ABL2: variants seen among roughly 807,000 people sequenced by gnomAD.
ABL2 encodes the protein ABL proto-oncogene 2, non-receptor tyrosine kinase.
ABL2 carries 49 observed loss-of-function variants against 107.7 expected under a neutral mutation model. That is an observed-to-expected ratio of 0.45 (90% CI 0.36 to 0.58). The LOEUF is 0.58. Among genes scored for constraint, ABL2 ranks in the 20% least tolerant of loss-of-function variants. ABL2 has a pLI of 0.00. For synonymous variants in ABL2, 549 were observed against 548.6 expected, an observed-to-expected ratio of 1.00 and a Z score of -0.01; for missense variants, 1,245 against 1,457.0, an observed-to-expected ratio of 0.85 and a Z score of 2.37.
chr1:179,204,228 T>C (rs1661830411), intron 1 of ABL2, among the ~76,000 whole-genome samples: 5 of 151,494 alleles, frequency 3.3e-5, no homozygotes, highest in Admixed American at 3.3e-4. Flanking sequence ...GGTTTTGCCA[T>C]GTTGGCCAGG....
intron 1 of ABL2, among the ~76,000 whole-genome samples, chr1:179,134,594 C>T (rs990755417): frequency 5.3e-5 from 8 of 152,118 alleles, no homozygotes; most frequent in East Asian, 3.8e-4. Flanking sequence ...AACACAGGAA[C>T]GTTATTTAGA....
At chr1:179,121,566 C>T (rs776621487) in intron 5 of ABL2, 29 bp downstream of exon 5, 5 of 1,597,974 alleles carry the variant, frequency 3.1e-6, no homozygotes, top group South Asian at 1.1e-5. Context: ...GAAAAAGATG[C>T]CTGAAAACTG....
Position 179,118,784 on chromosome 1 carries a change from G to A in ABL2, c.1046-20C>T. The A allele has an allele frequency of 6.2e-7, 1 of 1,610,498 alleles. No homozygotes were observed. Among genetic ancestry groups the A allele is most frequent in the Non-Finnish European group, 8.5e-7 (1 of 1,177,814 alleles). On this transcript the variant is annotated intron_variant, in intron 6 of 11. Transcript: ENST00000502732. ...ACACACCTAAAAGTTGAACAATAGT[G>A]CTTGTTTTTATTAGTGTACATTCAA...
chr1:179,118,651 G>A lies in ABL2; in HGVS notation c.1159C>T (p.Leu387Phe), dbSNP rs764034559. The change falls in exon 7 of 12, where the codon CTC becomes TTC. Residue 387 changes from leucine to phenylalanine, a missense_variant. Physicochemically the swap from Leu to Phe is conservative, Grantham distance 22. Transcript: ENST00000502732. Reference protein sequence around the residue: ...NREEVTAVVLLYMATQISSAM... With the variant: ...NREEVTAVVLFYMATQISSAM... The stretch of plus-strand genomic sequence containing the variant: ...GAAGAAATCTGAGTGGCCATGTAGA[G>A]CAGCACAACTGCAGTCACCTCTTCT... 6.2e-7 allele frequency: 1 copy of A among 1,613,788 alleles called. No homozygotes were observed. The highest frequency in any genetic ancestry group is 8.5e-7 in the Non-Finnish European group (1 of 1,179,996).
At chr1:179,227,779 G>A (rs532329398) in intron 1 of ABL2, among the ~76,000 whole-genome samples, 2 of 152,140 alleles carry the variant, frequency 1.3e-5, no homozygotes, top group South Asian at 2.1e-4. Context: ...GTGGCCAGGC[G>A]CAGTGCCTCA....
intron 2 of ABL2, among the ~76,000 whole-genome samples, chr1:179,131,883 TG>T (rs1271771366): frequency 6.6e-6 from 1 of 152,240 alleles, no homozygotes; most frequent in African/African-American, 2.4e-5. Context: ...AAGAAATGAT[TG>T]TAAGTTTCTT....
At chr1:179,147,648 G>C (rs1055389380) in intron 1 of ABL2, among the ~76,000 whole-genome samples, 3 of 152,178 alleles carry the variant, frequency 2.0e-5, no homozygotes, top group African/African-American at 7.2e-5. Flanking sequence ...CTCATTGTAA[G>C]CGGGAGCTAA....
intron 1 of ABL2, among the ~76,000 whole-genome samples, chr1:179,181,234 T>C (rs962587434): frequency 6.6e-6 from 1 of 152,224 alleles, no homozygotes; most frequent in Admixed American, 6.5e-5. Context: ...GTAAAAATAG[T>C]GGCAGTAAAC....
At chr1:179,203,908 C>T (rs1036672516) in intron 1 of ABL2, among the ~76,000 whole-genome samples, 2 of 152,198 alleles carry the variant, frequency 1.3e-5, no homozygotes, top group African/African-American at 4.8e-5. Flanking sequence ...CGTTATTTAA[C>T]ATCCCAGTAA....
At chr1:179,206,773 T>G (rs1661994239) in intron 1 of ABL2, among the ~76,000 whole-genome samples, 1 of 152,124 alleles carries the variant, frequency 6.6e-6, no homozygotes, top group African/African-American at 2.4e-5. Context: ...GACCCTTCAA[T>G]AAACAAACAA....
intron 1 of ABL2, among the ~76,000 whole-genome samples, chr1:179,224,049 T>C (rs747065709): frequency 7.8e-5 from 11 of 140,986 alleles, no homozygotes; most frequent in Non-Finnish European, 1.7e-4. Flanking sequence ...GAGGATCACT[T>C]GAGTCTGGGA....
intron 1 of ABL2, among the ~76,000 whole-genome samples, chr1:179,152,115 T>C (rs1023645153): frequency 3.9e-5 from 6 of 152,222 alleles, no homozygotes; most frequent in Non-Finnish European, 7.4e-5. Context: ...GAAACCTGGG[T>C]AGGCTAATAA....
rs575749213 is a variant in ABL2, at chr1:179,102,293, G to A, written c.*5425C>T. On this transcript the variant is annotated 3_prime_UTR_variant, in exon 12 of 12. Coordinates refer to ENST00000502732, the MANE Select transcript of ABL2 (RefSeq NM_007314.4). ...CCCAAAGTGCTGGGATTACAGGCGT[G>A]AGCCACCGCACCCGGCCAGAATTTC... 391 of 184,978 alleles carry A rather than the reference G, an allele frequency of 2.1e-3. 5 individuals are homozygous for A. Among genetic ancestry groups the A allele is most frequent in the African/African-American group, 8.8e-3 (378 of 42,728 alleles). The allele number at this position is 184,978 out of a possible 1,614,324, so 11.5% of individuals were successfully genotyped here.
chr1:179,181,769 T>A (rs1311856646), intron 1 of ABL2, among the ~76,000 whole-genome samples: 2 of 151,964 alleles, frequency 1.3e-5, no homozygotes, highest in Non-Finnish European at 2.9e-5. Context: ...TATCTTTTTT[T>A]AATTTTTATT....
chr1:179,126,550 A>T lies in ABL2; in HGVS notation c.514T>A (p.Ser172Thr). ...CGTGACACAGGTCCATGGTACCAGGAGTGTTTTTCCAGGCTGTTCACTGGG... is the reference window on the plus strand; with the variant it reads ...CGTGACACAGGTCCATGGTACCAGGTGTGTTTTTCCAGGCTGTTCACTGGG... ...ITPVNSLEKH[S>T]WYHGPVSRSA... is the part of the protein sequence containing the mutation. Residue 172 changes from serine (S) to threonine (T), a missense_variant, in exon 4 of 12, where the codon TCC becomes ACC. By Grantham distance (58) the Ser-to-Thr change is moderately conservative. This residue lies in a region of ABL2 where 320 missense variants were observed against 547.0 expected (regional missense o/e 0.59). Transcript: ENST00000502732. This position sits in a 1 kb window ranked among gnomAD's most constrained non-coding sequence, Gnocchi z 4.4. 3 of 1,614,192 alleles carry T rather than the reference A, an allele frequency of 1.9e-6. No homozygotes were observed. The highest frequency in any genetic ancestry group is 2.5e-6 in the Non-Finnish European group (3 of 1,180,042).
At chr1:179,229,188 A>ACCAGCCCC in intron 1 of ABL2, 53 bp downstream of exon 1, 1 of 125,704 alleles carries the variant, frequency 8.0e-6, no homozygotes, top group Non-Finnish European at 1.2e-5. Flanking sequence ...CCCCGCCCCG[A>ACCAGCCCC]CCCCACCCCC....
chr1:179,129,768 C>A (rs1656104669), intron 3 of ABL2, among the ~76,000 whole-genome samples: 1 of 151,854 alleles, frequency 6.6e-6, no homozygotes, highest in African/African-American at 2.4e-5. Context: ...ATAAACACAA[C>A]CCCCACATAC....
intron 8 of ABL2, 132 bp from the exon 9 acceptor site, chr1:179,115,162 CT>C: frequency 1.4e-6 from 1 of 705,036 alleles, no homozygotes; most frequent in Non-Finnish European, 2.1e-6. Flanking sequence ...ATAATATACT[CT>C]TTTATCAATT....
At position 179,111,627 on chromosome 1, in the gene ABL2, G is replaced by T. The variant is rs572388334; in HGVS notation, c.1651+682C>A. ...TAGCCTTTTTGGTAGGCTGTGGATT[G>T]GTATCTCAGTGTGGTTTTATTTTGT... On this transcript the variant is annotated intron_variant, in intron 10 of 11. Transcript: ENST00000502732. 1.4e-4 allele frequency among the ~76,000 whole-genome samples: 21 copies of T among 152,140 alleles called. No individual in the cohort carries two copies. The South Asian group carries it at 2.9e-3, about 21-fold the overall frequency.
Sources: allele counts gnomAD v4.1 joint callset (sites outside exome capture counted in the v4.1 genomes callset), GRCh38; gene constraint gnomAD v4.1.1; regional missense constraint gnomAD v4.1.1; non-coding constraint Gnocchi (gnomAD v3.1); transcripts MANE v1.5; gene names NCBI Gene and HGNC (gene_info 2026-07-23, HGNC 2026-07-21).